The following ARID1B variants were observed in gnomAD, a reference collection of about 807,000 sequenced individuals.
ARID1B encodes the protein AT-rich interactive domain-containing protein 1B.
In ARID1B, 30 loss-of-function variants were observed where a neutral mutation model predicts 212.3. The observed-to-expected ratio is 0.14, with a 90% CI of 0.11 to 0.19. ARID1B has a LOEUF of 0.19. Among genes scored for constraint, ARID1B ranks in the 10% least tolerant of loss-of-function variants. The pLI is 1.00. For synonymous variants in ARID1B, 1,402 were observed against 1,301.7 expected (o/e 1.08, Z -1.66); for missense variants, 2,891 against 3,204.0 (o/e 0.90, Z 2.36).
chr6:156,826,272 T>G (rs937817399), intron 1 of ARID1B, among the ~76,000 whole-genome samples: 1 of 152,234 alleles, frequency 6.6e-6, no homozygotes, highest in Admixed American at 6.5e-5. Flanking sequence ...GTGGATCCCT[T>G]GGGACTGAGC....
At position 156,982,425 on chromosome 6, in the gene ARID1B, C is replaced by CTT. The variant is rs778116375; in HGVS notation, c.2247+46864_2247+46865dup. Reference sequence around the variant, plus strand: ...AATAGTGCTGTGTGTCTCTATGGGTCTTTTTTTTTTTTTTTTGTACTTCAT... The same window carrying CTT: ...AATAGTGCTGTGTGTCTCTATGGGTCTTTTTTTTTTTTTTTTTTGTACTTCAT... On this transcript the variant is annotated intron_variant, in intron 4 of 19. Transcript: ENST00000636930. Among the ~76,000 whole-genome samples the CTT allele has an allele frequency of 1.9e-4, 24 of 124,778 alleles. 1 individual carries two copies. The highest frequency in any genetic ancestry group is 5.6e-4 in the African/African-American group (19 of 34,022). 81.9% of individuals were successfully genotyped at this position (124,778 alleles called of 152,430 possible).
rs2128339834 is a variant in ARID1B, at chr6:157,190,142, G to A, written c.4163G>A (p.Ser1388Asn). The change falls in exon 15 of 20, where the codon AGC becomes AAC. Residue 1388 changes from serine (S) to asparagine (N), a missense_variant. Transcript: ENST00000636930. This position sits in a 1 kb window ranked among gnomAD's most constrained non-coding sequence, Gnocchi z 4.6. ...AACGCCCCCTACCAGCAGGGCATGA[G>A]CATGCCCGATGTGATGGGCAGGATG... is the stretch of plus-strand genomic sequence containing the variant. ...TPNAPYQQGM[S>N]MPDVMGRMPY... is the part of the protein sequence containing the mutation. 1.2e-6 allele frequency: 2 copies of A among 1,614,150 alleles called. No homozygotes were observed. The highest frequency in any genetic ancestry group is 8.5e-7 in the Non-Finnish European group (1 of 1,180,036).
At chr6:157,036,046 C>G (rs1781307885) in intron 4 of ARID1B, among the ~76,000 whole-genome samples, 1 of 152,158 alleles carries the variant, frequency 6.6e-6, no homozygotes, top group Non-Finnish European at 1.5e-5. Flanking sequence ...ATATTGCCCA[C>G]CCACCCCGTC....
At position 157,141,009 on chromosome 6, in the gene ARID1B, T is replaced by C. The variant is rs180709654; in HGVS notation, c.2762-7615T>C. 357 of 229,060 alleles carry C rather than the reference T, an allele frequency of 1.6e-3. 2 individuals carry two copies. The highest frequency in any genetic ancestry group is 7.6e-3 in the African/African-American group (338 of 44,564). 14.2% of individuals were successfully genotyped at this position (229,060 alleles called of 1,614,324 possible). A position where few individuals can be genotyped will look rare whatever the true frequency, so the allele number is the denominator to read the frequency against. On this transcript the variant is annotated intron_variant, in intron 7 of 19. Transcript: ENST00000636930. ...CCAGCATTTAGCACAGAGCCTGGCA[T>C]GTAAGAGGCCCTTAATAACTCTTTC...
At chr6:156,963,753 G>GTA (rs1026014101) in intron 4 of ARID1B, among the ~76,000 whole-genome samples, 84 of 152,244 alleles carry the variant, frequency 5.5e-4, no homozygotes, top group African/African-American at 1.9e-3. Context: ...TCTCCTCTCA[G>GTA]TATATTTATT....
rs1233518094 is a variant in ARID1B at position 156,847,671 on chromosome 6, T to C, written c.1986+18250T>C. 7.9e-5 allele frequency among the ~76,000 whole-genome samples: 12 copies of C among 152,376 alleles called. No homozygotes were observed. The East Asian group carries it at 2.3e-3, about 29-fold the overall frequency. On this transcript the variant is annotated intron_variant, in intron 2 of 19. Transcript: ENST00000636930. Reference sequence around the variant, plus strand: ...TTGTAAATGTTAAGGATATCTTGAATGTGTTTACATTTGGTAGTTATTAAC... The same window carrying C: ...TTGTAAATGTTAAGGATATCTTGAACGTGTTTACATTTGGTAGTTATTAAC...
At chr6:157,114,428 G>A (rs546856993) in intron 6 of ARID1B, among the ~76,000 whole-genome samples, 2 of 149,548 alleles carry the variant, frequency 1.3e-5, no homozygotes, top group African/African-American at 5.0e-5. Flanking sequence ...GGAGGCTGAG[G>A]CAGGAGAATC....
At chr6:156,795,643 C>G (rs1462246805) in intron 1 of ARID1B, among the ~76,000 whole-genome samples, 3 of 152,090 alleles carry the variant, frequency 2.0e-5, no homozygotes, top group Non-Finnish European at 4.4e-5. Context: ...GAGCCAGATT[C>G]AGTGGTGTTA....
chr6:156,902,440 G>A (rs888722522), intron 3 of ARID1B, among the ~76,000 whole-genome samples: 3 of 152,046 alleles, frequency 2.0e-5, no homozygotes, highest in African/African-American at 4.8e-5. Flanking sequence ...AATAGATCGT[G>A]GATATTAAGC....
intron 15 of ARID1B, among the ~76,000 whole-genome samples, chr6:157,193,253 T>A (rs1793506478): frequency 6.6e-6 from 1 of 152,374 alleles, no homozygotes; most frequent in African/African-American, 2.4e-5. Flanking sequence ...TAATCTTTTC[T>A]ATTATAAACA....
chr6:156,786,844 C>G (rs1204408195), intron 1 of ARID1B, among the ~76,000 whole-genome samples: 1 of 152,146 alleles, frequency 6.6e-6, no homozygotes, highest in Non-Finnish European at 1.5e-5. Flanking sequence ...CTTGCTCCCT[C>G]CATACCTGGA....
intron 6 of ARID1B, among the ~76,000 whole-genome samples, chr6:157,122,572 C>T (rs1787806770): frequency 6.6e-6 from 1 of 152,232 alleles, no homozygotes; most frequent in South Asian, 2.1e-4. Context: ...ACGCGCTTGC[C>T]CGGGTCGGGC....
rs2128357381 is a variant in ARID1B, at chr6:157,196,292, C to T, written c.4359C>T (p.Pro1453=). Residue 1453 remains proline, a synonymous_variant, in exon 16 of 20, where the codon CCC becomes CCT. Coordinates refer to ENST00000636930, the MANE Select transcript of ARID1B (RefSeq NM_001374828.1). ...NLGMGQRQQF[P]YGASYDRRHE... The stretch of plus-strand genomic sequence containing the variant: ...GCATGGGGCAGCGCCAGCAGTTTCC[C>T]TATGGAGCCAGTTACGACCGAAGGT... 1 of 1,598,082 alleles carries T rather than the reference C, an allele frequency of 6.3e-7. No homozygotes were observed. The highest frequency in any genetic ancestry group is 1.4e-5 in the African/African-American group (1 of 73,796).
intron 1 of ARID1B, among the ~76,000 whole-genome samples, chr6:156,782,830 A>G (rs1779370705): frequency 6.6e-6 from 1 of 152,194 alleles, no homozygotes; most frequent in South Asian, 2.1e-4. Flanking sequence ...GAAAGGGCCT[A>G]TCATTTAAAA....
chr6:156,876,785 T>G (rs1356072361), intron 2 of ARID1B, among the ~76,000 whole-genome samples: 1 of 152,228 alleles, frequency 6.6e-6, no homozygotes, highest in Non-Finnish European at 1.5e-5. Context: ...GTTATCGCCC[T>G]CCTACTTCCA....
intron 15 of ARID1B, among the ~76,000 whole-genome samples, chr6:157,192,297 G>A (rs1238367414): frequency 1.3e-5 from 2 of 152,004 alleles, no homozygotes; most frequent in Non-Finnish European, 2.9e-5. Flanking sequence ...AAAATGTATT[G>A]CAAACCATTC....
At chr6:157,117,936 C>G (rs1327387930) in intron 6 of ARID1B, among the ~76,000 whole-genome samples, 2 of 152,188 alleles carry the variant, frequency 1.3e-5, no homozygotes, top group African/African-American at 2.4e-5. Flanking sequence ...TGAGCCATAG[C>G]CCTTGCACCT....
At position 157,148,979 on chromosome 6, in the gene ARID1B, C is replaced by T; in HGVS notation, c.3089+28C>T. ...ACGCCACCCAGGAGCACGCCCCGGG[C>T]AGGTACGCTGTGTGTCTACCCGTGA... On this transcript the variant is annotated intron_variant, in intron 8 of 19. Transcript: ENST00000636930. This position sits in a 1 kb window ranked among gnomAD's most constrained non-coding sequence, Gnocchi z 5.6. 1 of 1,590,980 alleles carries T rather than the reference C, an allele frequency of 6.3e-7. No individual in the cohort carries two copies. The highest frequency in any genetic ancestry group is 1.1e-5 in the South Asian group (1 of 89,176).
intron 5 of ARID1B, among the ~76,000 whole-genome samples, chr6:157,091,471 TC>T (rs1026718674): frequency 3.3e-5 from 5 of 152,194 alleles, no homozygotes; most frequent in African/African-American, 1.2e-4. Context: ...AAACTAATTT[TC>T]TTGCTTAATT....
Sources: allele counts gnomAD v4.1 joint callset (sites outside exome capture counted in the v4.1 genomes callset), GRCh38; gene constraint gnomAD v4.1.1; non-coding constraint Gnocchi (gnomAD v3.1); transcripts MANE v1.5; gene names NCBI Gene and HGNC (gene_info 2026-07-23, HGNC 2026-07-21).